KCNB2: variants seen among roughly 807,000 people sequenced by gnomAD.
KCNB2 encodes the protein potassium voltage-gated channel subfamily B member 2, also known as delayed rectifier potassium channel protein.
In KCNB2, 15 loss-of-function variants were observed where a neutral mutation model predicts 61.5. The observed-to-expected ratio is 0.24, with a 90% CI of 0.16 to 0.38. KCNB2 has a LOEUF of 0.38. Ranked by LOEUF, KCNB2 falls within the 10% of genes least tolerant of loss-of-function variation. The probability of loss-of-function intolerance (pLI) is 1.00; values close to 1 mark genes in which losing one functional copy is unlikely to be tolerated. For missense variants in KCNB2, 828 were observed against 1,125.2 expected (o/e 0.74, Z 3.78); for synonymous variants, 457 against 446.0 (o/e 1.02, Z -0.31).
At chr8:72,861,840 A>C (rs1805419700) in intron 2 of KCNB2, among the ~76,000 whole-genome samples, 1 of 152,218 alleles carries the variant, frequency 6.6e-6, no homozygotes, top group Non-Finnish European at 1.5e-5. Context: ...AAATAGGGAT[A>C]GTTTACGTCT....
At chr8:72,633,673 G>C (rs1038451979) in intron 2 of KCNB2, among the ~76,000 whole-genome samples, 1 of 152,080 alleles carries the variant, frequency 6.6e-6, no homozygotes, top group Non-Finnish European at 1.5e-5. Context: ...CTAGCCTTTG[G>C]TAGTCTCTTT....
chr8:72,847,563 C>T (rs964142367), intron 2 of KCNB2, among the ~76,000 whole-genome samples: 1 of 152,166 alleles, frequency 6.6e-6, no homozygotes, highest in Non-Finnish European at 1.5e-5. Flanking sequence ...ATTTGTTTTG[C>T]ATCTTTACCA....
In KCNB2 at chr8:72,634,283, A is replaced by G. The variant is rs573368478; in HGVS notation, c.579+65970A>G. On this transcript the variant is annotated intron_variant, in intron 2 of 2. Coordinates refer to ENST00000523207, the MANE Select transcript of KCNB2 (RefSeq NM_004770.3). ...GGAATAATCTTTTTGTTCACTGGCC[A>G]TGATCCTGGCACAGAGACCCTCAGA... Among the ~76,000 whole-genome samples the G allele has an allele frequency of 1.0e-3, 155 of 152,334 alleles. 1 individual carries two copies. Among genetic ancestry groups the G allele is most frequent in the African/African-American group, 3.6e-3 (149 of 41,580 alleles).
At chr8:72,628,245 C>T (rs917793542) in intron 2 of KCNB2, among the ~76,000 whole-genome samples, 11 of 152,142 alleles carry the variant, frequency 7.2e-5, no homozygotes, top group Non-Finnish European at 1.5e-4. Flanking sequence ...TGAGCCATCA[C>T]GTCTGGTCAC....
chr8:72,936,441 T>C lies in KCNB2; in HGVS notation c.1086T>C (p.Ala362=), dbSNP rs923021325. 6.2e-6 allele frequency: 10 copies of C among 1,614,076 alleles called. No homozygotes were observed. Among genetic ancestry groups the C allele is most frequent in the Non-Finnish European group, 8.5e-6 (10 of 1,180,034 alleles). ...LVFFAEKDED[A]TKFTSIPASF... ...TTTTTGCTGAGAAGGATGAAGATGC[T>C]ACCAAGTTCACCAGTATCCCTGCAT... Residue 362 remains alanine, a synonymous_variant, in exon 3 of 3, where the codon GCT becomes GCC. Transcript: ENST00000523207. The surrounding 1 kb of genome is among the most constrained non-coding windows in gnomAD (Gnocchi z 5.6).
chr8:72,624,976 A>T (rs1486560813), intron 2 of KCNB2, among the ~76,000 whole-genome samples: 1 of 152,226 alleles, frequency 6.6e-6, no homozygotes, highest in East Asian at 1.9e-4. Context: ...AGAAGTCCTC[A>T]AGATCACATA....
chr8:72,681,319 C>T (rs533545527), intron 2 of KCNB2, among the ~76,000 whole-genome samples: 1 of 152,022 alleles, frequency 6.6e-6, no homozygotes, highest in Non-Finnish European at 1.5e-5. Context: ...CTTTTTTTCT[C>T]TTGGAAGCTG....
chr8:72,548,052 A>G (rs1263119434), intron 1 of KCNB2, among the ~76,000 whole-genome samples: 1 of 152,156 alleles, frequency 6.6e-6, no homozygotes, highest in African/African-American at 2.4e-5. Context: ...AATAGATTAC[A>G]ATTCCCTGAA....
At chr8:72,908,462 C>T (rs1806221838) in intron 2 of KCNB2, among the ~76,000 whole-genome samples, 1 of 152,148 alleles carries the variant, frequency 6.6e-6, no homozygotes, top group South Asian at 2.1e-4. Flanking sequence ...CAATACTGCT[C>T]AGTTAATTGG....
At chr8:72,769,020 C>T (rs1471091534) in intron 2 of KCNB2, among the ~76,000 whole-genome samples, 4 of 152,010 alleles carry the variant, frequency 2.6e-5, no homozygotes, top group South Asian at 4.2e-4. Flanking sequence ...ATTAGCCAGG[C>T]GTGGTGGCAC....
chr8:72,916,789 T>C (rs186551828), intron 2 of KCNB2, among the ~76,000 whole-genome samples: 286 of 152,266 alleles, frequency 1.9e-3, no homozygotes, highest in Middle Eastern at 3.4e-3. Context: ...CCCATGAAGT[T>C]TGGCCATCCC....
intron 2 of KCNB2, among the ~76,000 whole-genome samples, chr8:72,928,196 T>C (rs867408015): frequency 8.6e-4 from 128 of 149,004 alleles, no homozygotes; most frequent in East Asian, 2.2e-3. Flanking sequence ...TCTTTCTTTT[T>C]TTTTTTTTTT....
At chr8:72,811,155 CTTT>C (rs34236600) in intron 2 of KCNB2, among the ~76,000 whole-genome samples, 10 of 140,156 alleles carry the variant, frequency 7.1e-5, no homozygotes, top group Middle Eastern at 3.5e-3. Flanking sequence ...GAAGGGATTT[CTTT>C]TTTTTTTTTT....
intron 2 of KCNB2, among the ~76,000 whole-genome samples, chr8:72,798,285 G>A (rs1809063590): frequency 6.6e-6 from 1 of 152,168 alleles, no homozygotes; most frequent in Non-Finnish European, 1.5e-5. Context: ...CCAAATCTCT[G>A]CATCTCAATG....
intron 2 of KCNB2, among the ~76,000 whole-genome samples, chr8:72,591,381 A>G (rs1325021449): frequency 1.3e-5 from 2 of 152,180 alleles, no homozygotes; most frequent in African/African-American, 4.8e-5. Context: ...TATGTAAATC[A>G]GCCTAATATA....
chr8:72,561,739 A>ATTTG (rs1563523449), intron 1 of KCNB2, among the ~76,000 whole-genome samples: 4 of 24,712 alleles, frequency 1.6e-4, no homozygotes, highest in African/African-American at 1.3e-3. Flanking sequence ...CTATATCTAT[A>ATTTG]TATATATGTA....
intron 2 of KCNB2, among the ~76,000 whole-genome samples, chr8:72,639,500 A>T (rs922336216): frequency 1.3e-5 from 2 of 152,136 alleles, no homozygotes; most frequent in African/African-American, 4.8e-5. Flanking sequence ...TATTTGCCCA[A>T]CAGGGCCTCC....
At chr8:72,707,467 C>A (rs1220084812) in intron 2 of KCNB2, among the ~76,000 whole-genome samples, 2 of 152,092 alleles carry the variant, frequency 1.3e-5, no homozygotes, top group Non-Finnish European at 2.9e-5. Context: ...TGGGTCTTTT[C>A]TTTAATCTCC....
At chr8:72,621,601 T>C (rs78022219) in intron 2 of KCNB2, among the ~76,000 whole-genome samples, 4,164 of 152,278 alleles carry the variant, frequency 0.027, 162 homozygotes, top group African/African-American at 0.089. Context: ...GGGTACATGA[T>C]ATGTTTGGAT....
Sources: allele counts gnomAD v4.1 joint callset (sites outside exome capture counted in the v4.1 genomes callset), GRCh38; gene constraint gnomAD v4.1.1; non-coding constraint Gnocchi (gnomAD v3.1); transcripts MANE v1.5; gene names NCBI Gene and HGNC (gene_info 2026-07-23, HGNC 2026-07-21).